EVC2: variants seen among roughly 807,000 people sequenced by gnomAD.
The protein encoded by EVC2 is limbin.
In EVC2, 148 loss-of-function variants were observed where a neutral mutation model predicts 149.3. The ratio of observed to expected loss-of-function variants is 0.99; its 90% CI spans 0.87 to 1.14. The LOEUF is 1.14. EVC2 is among the 50% of genes most tolerant of loss of function. EVC2 has a pLI of 0.00. For missense variants in EVC2, 1,854 were observed against 1,627.3 expected (o/e 1.14, Z -2.40); for synonymous variants, 776 against 649.9 (o/e 1.19, Z -2.95).
At chr4:5,620,415 G>C (rs565094233) in intron 14 of EVC2, among the ~76,000 whole-genome samples, 2 of 152,288 alleles carry the variant, frequency 1.3e-5, no homozygotes, top group Admixed American at 1.3e-4. Context: ...TTGAAATCAA[G>C]ACAGGAACTT....
intron 9 of EVC2, among the ~76,000 whole-genome samples, chr4:5,646,689 T>G (rs979788777): frequency 2.6e-5 from 4 of 152,196 alleles, no homozygotes; most frequent in African/African-American, 9.7e-5. Flanking sequence ...GTTTGTTTGT[T>G]TATCAGCTTG....
intron 21 of EVC2, among the ~76,000 whole-genome samples, chr4:5,556,875 C>T (rs760978686): frequency 2.0e-5 from 3 of 151,904 alleles, no homozygotes; most frequent in Non-Finnish European, 2.9e-5. Flanking sequence ...CAAAAATTCA[C>T]ACAACGTGAA....
At chr4:5,680,650 A>T (rs1227356605) in intron 7 of EVC2, among the ~76,000 whole-genome samples, 1 of 152,216 alleles carries the variant, frequency 6.6e-6, no homozygotes. Flanking sequence ...CGGTTTCCCC[A>T]TCTGAAATGG....
intron 21 of EVC2, among the ~76,000 whole-genome samples, chr4:5,554,061 C>T (rs1272464955): frequency 6.6e-6 from 1 of 152,086 alleles, no homozygotes; most frequent in Admixed American, 6.6e-5. Context: ...GTGAGAGAAA[C>T]GGAAGACAGA....
chr4:5,648,349 C>G (rs1034845027), intron 9 of EVC2, among the ~76,000 whole-genome samples: 1 of 152,184 alleles, frequency 6.6e-6, no homozygotes, highest in African/African-American at 2.4e-5. Context: ...GAATAGGAAA[C>G]TAACACACCT....
rs1719584487 is a variant in EVC2 at position 5,670,587 on chromosome 4, C to T, written c.871-4938G>A. Reference sequence around the variant, plus strand: ...TGGCCATCACCACCATCACTATCAACATCATCAATATCACCATCACCATCA... The same window carrying T: ...TGGCCATCACCACCATCACTATCAATATCATCAATATCACCATCACCATCA... On this transcript the variant is annotated intron_variant, in intron 7 of 21. Transcript: ENST00000344408. The surrounding 1 kb of genome is among the most constrained non-coding windows in gnomAD (Gnocchi z 5.2). Among the ~76,000 whole-genome samples, 1 of 152,068 alleles carries T rather than the reference C, an allele frequency of 6.6e-6. No homozygotes were observed. The highest frequency in any genetic ancestry group is 1.5e-5 in the Non-Finnish European group (1 of 68,020).
chr4:5,612,338 A>G (rs566807983), intron 16 of EVC2, among the ~76,000 whole-genome samples: 1 of 152,244 alleles, frequency 6.6e-6, no homozygotes, highest in Non-Finnish European at 1.5e-5. Context: ...TGATTCTTTC[A>G]ATTATTTCAG....
Position 5,708,501 on chromosome 4 carries a change from C to G in EVC2, c.13G>C (p.Gly5Arg). 1 of 1,477,364 alleles carries G rather than the reference C, an allele frequency of 6.8e-7. No individual in the cohort carries two copies. The highest frequency in any genetic ancestry group is 8.9e-7 in the Non-Finnish European group (1 of 1,121,902). 91.5% of individuals were successfully genotyped at this position (1,477,364 alleles called of 1,614,324 possible). ...ACCCACGTGGGGCGCCCCCGGGAGC[C>G]CGAGGGGTCCATCGCCTGTCGGGAC... MDPSGSRGRPTWVLA... is the reference protein window; with the variant it reads MDPSRSRGRPTWVLA... Residue 5 changes from glycine to arginine, a missense_variant, in exon 1 of 22, where the codon GGC (glycine) becomes CGC (arginine). Transcript: ENST00000344408.
chr4:5,549,241 A>C (rs1721686730), intron 21 of EVC2, among the ~76,000 whole-genome samples: 1 of 152,212 alleles, frequency 6.6e-6, no homozygotes, highest in South Asian at 2.1e-4. Context: ...TTAGGCACTT[A>C]ACCTGTACTG....
chr4:5,681,001 G>C (rs554668017), intron 7 of EVC2, among the ~76,000 whole-genome samples: 12 of 152,252 alleles, frequency 7.9e-5, no homozygotes, highest in Non-Finnish European at 1.8e-4. Context: ...CTGGACAGTA[G>C]CACAGACGGG....
At chr4:5,541,338 C>A (rs924795521), downstream of EVC2, among the ~76,000 whole-genome samples, 14 of 152,134 alleles carry the variant, frequency 9.2e-5, no homozygotes, top group Non-Finnish European at 1.8e-4. Context: ...ACAATAAACA[C>A]CCATCAGATC....
intron 9 of EVC2, among the ~76,000 whole-genome samples, chr4:5,643,169 C>A (rs1255925853): frequency 6.6e-6 from 1 of 152,168 alleles, no homozygotes; most frequent in Non-Finnish European, 1.5e-5. Context: ...CAGTTAAAGA[C>A]ACCTCAAAAG....
At chr4:5,650,636 T>TAGAG (rs1412059399) in intron 9 of EVC2, among the ~76,000 whole-genome samples, 102 of 55,640 alleles carry the variant, frequency 1.8e-3, no homozygotes, top group Non-Finnish European at 2.0e-3. Context: ...TATATATATA[T>TAGAG]ATAGAGAGAG....
chr4:5,633,691 G>A lies in EVC2; in HGVS notation c.1471-1659C>T, dbSNP rs1229565915. On this transcript the variant is annotated intron_variant, in intron 10 of 21. Transcript: ENST00000344408. The surrounding 1 kb of genome is among the most constrained non-coding windows in gnomAD (Gnocchi z 4.4). Reference sequence around the variant, plus strand: ...GCAGGTGTGGCATCATGCCATGGCTGGGCTGAGTAGAAGCCCGAGGAAGGC... The same window carrying A: ...GCAGGTGTGGCATCATGCCATGGCTAGGCTGAGTAGAAGCCCGAGGAAGGC... Among the ~76,000 whole-genome samples the A allele has an allele frequency of 1.3e-5, 2 of 152,240 alleles. No individual in the cohort carries two copies. Among genetic ancestry groups the A allele is most frequent in the African/African-American group, 4.8e-5 (2 of 41,468 alleles).
At chr4:5,590,829 A>C (rs1386725314) in intron 16 of EVC2, among the ~76,000 whole-genome samples, 3 of 152,144 alleles carry the variant, frequency 2.0e-5, no homozygotes, top group African/African-American at 7.2e-5. Context: ...AAAGAAAAGA[A>C]ATTTAATTGC....
chr4:5,622,598 C>T lies in EVC2; in HGVS notation c.2440G>A (p.Ala814Thr), dbSNP rs745640603. 35 of 1,613,854 alleles carry T rather than the reference C, an allele frequency of 2.2e-5. No homozygotes were observed. The highest frequency in any genetic ancestry group is 6.7e-5 in the Admixed American group (4 of 59,988). ...QSVRQRLKDD[A>T]PEAVTEEQAE... ...TGCTCCTCTGTCACGGCCTCAGGAG[C>T]GTCATCCTTCAGTCTCTGCCTCACG... Residue 814 changes from alanine to threonine, a missense_variant, in exon 14 of 22, where the codon GCT becomes ACT. Coordinates refer to ENST00000344408, the MANE Select transcript of EVC2 (RefSeq NM_147127.5). This position sits in a 1 kb window ranked among gnomAD's most constrained non-coding sequence, Gnocchi z 5.8.
At position 5,689,208 on chromosome 4, in the gene EVC2, CCA is replaced by C; in HGVS notation, c.653_654del (p.Val218GlyfsTer12). On this transcript the variant is annotated frameshift_variant, in exon 5 of 22. Coordinates refer to ENST00000344408, the MANE Select transcript of EVC2 (RefSeq NM_147127.5). LOFTEE classifies it high-confidence loss of function. Reference sequence around the variant, plus strand: ...TGGAATCCTTCCGAGGTCCTGTTTCCCACAGAGTCCCAAATGGTGAGACCAGC... The same window carrying C: ...TGGAATCCTTCCGAGGTCCTGTTTCCCAGAGTCCCAAATGGTGAGACCAGC... Reference protein sequence around the residue: ...SIAGLTIWDSVGNRTSEGFQA... With the variant: ...SIAGLTIWDSXGNRTSEGFQA... 1.2e-6 allele frequency: 2 copies of C among 1,614,218 alleles called. No individual in the cohort carries two copies. Among genetic ancestry groups the C allele is most frequent in the Non-Finnish European group, 1.7e-6 (2 of 1,180,038 alleles).
At chr4:5,530,897 G>A in the EVC2 span, among the ~76,000 whole-genome samples, 7 of 152,164 alleles carry the variant, frequency 4.6e-5, no homozygotes, top group Admixed American at 1.3e-4. Flanking sequence ...AACTTGGTGT[G>A]AGCCACACTC....
In EVC2 at chr4:5,677,424, G is replaced by A. The variant is rs1720064292; in HGVS notation, c.870+3836C>T. On this transcript the variant is annotated intron_variant, in intron 7 of 21. Coordinates refer to ENST00000344408, the MANE Select transcript of EVC2 (RefSeq NM_147127.5). The surrounding 1 kb of genome is among the most constrained non-coding windows in gnomAD (Gnocchi z 4.3). ...TCCCTGAATGTGGTCCACAGCCTGG[G>A]GGCGCCTGTCCTGGGGGCTGGTGTG... 6.6e-6 allele frequency among the ~76,000 whole-genome samples: 1 copy of A among 152,190 alleles called. No individual in the cohort carries two copies. The highest frequency in any genetic ancestry group is 2.4e-5 in the African/African-American group (1 of 41,456).
Sources: allele counts gnomAD v4.1 joint callset (sites outside exome capture counted in the v4.1 genomes callset), GRCh38; gene constraint gnomAD v4.1.1; non-coding constraint Gnocchi (gnomAD v3.1); transcripts MANE v1.5; gene names NCBI Gene and HGNC (gene_info 2026-07-23, HGNC 2026-07-21).